The following VPS13D variants were observed in gnomAD, a reference collection of about 807,000 sequenced individuals.
VPS13D encodes intermembrane lipid transfer protein VPS13D.
In VPS13D, 187 loss-of-function variants were observed where a neutral mutation model predicts 461.9. The ratio of observed to expected loss-of-function variants is 0.40; its 90% confidence interval spans 0.36 to 0.46. The LOEUF is 0.46. VPS13D is among the 20% of genes least tolerant of loss of function. VPS13D has a pLI of 0.60. For synonymous variants in VPS13D, 1,951 were observed against 1,986.3 expected, an observed-to-expected ratio of 0.98 and a Z score of 0.47; for missense variants, 4,711 against 5,364.9, an observed-to-expected ratio of 0.88 and a Z score of 3.81.
At position 12,456,149 on chromosome 1, in the gene VPS13D, C is replaced by G. The variant is rs1645323740; in HGVS notation, c.12466+19C>G. The stretch of plus-strand genomic sequence containing the variant: ...GCTCATGGTAAGTCATGGGTGACAT[C>G]AGGCTCTGCTGCTGCTGGTCCTCAG... On this transcript the variant is annotated intron_variant, in intron 66 of 69. Transcript: ENST00000620676. 1 of 1,594,552 alleles carries G rather than the reference C, an allele frequency of 6.3e-7. No homozygotes were observed. Among genetic ancestry groups the G allele is most frequent in the Non-Finnish European group, 8.5e-7 (1 of 1,173,108 alleles).
At chr1:12,343,096 G>A (rs377161105) in intron 42 of VPS13D, 45 bp downstream of exon 42, 4 of 1,536,696 alleles carry the variant, frequency 2.6e-6, no homozygotes, top group African/African-American at 2.7e-5. Flanking sequence ...GAAAGTGGAT[G>A]TAAGTGAGGG....
At chr1:12,405,519 A>C (rs1644641390) in intron 63 of VPS13D, among the ~76,000 whole-genome samples, 1 of 152,182 alleles carries the variant, frequency 6.6e-6, no homozygotes, top group Non-Finnish European at 1.5e-5. Flanking sequence ...AGCCACAGGG[A>C]GTGCTGGTGG....
rs75689524 is a variant in VPS13D, at chr1:12,420,193, C to A, written c.12333+3366C>A. On this transcript the variant is annotated intron_variant, in intron 65 of 69. Coordinates refer to ENST00000620676, the MANE Select transcript of VPS13D (RefSeq NM_015378.4). The stretch of plus-strand genomic sequence containing the variant: ...CTAAATGGGTCTATCAGTTGAATAC[C>A]CATTCAGGTCATCTGTGATTCTGCA... Among the ~76,000 whole-genome samples, 149 of 152,152 alleles carry A rather than the reference C, an allele frequency of 9.8e-4. No homozygotes were observed. The East Asian group carries it at 0.027, about 27-fold the overall frequency.
intron 63 of VPS13D, among the ~76,000 whole-genome samples, chr1:12,410,102 T>TA (rs1163738806): frequency 6.6e-6 from 1 of 152,204 alleles, no homozygotes; most frequent in African/African-American, 2.4e-5. Context: ...GCTAATATCT[T>TA]ACAGAGAAGG....
At position 12,233,339 on chromosome 1, in the gene VPS13D, G is replaced by A. The variant is rs546347689; in HGVS notation, c.-76-852G>A. Among the ~76,000 whole-genome samples, 5 of 152,226 alleles carry A rather than the reference G, an allele frequency of 3.3e-5. 1 individual carries two copies. Among genetic ancestry groups the A allele is most frequent in the African/African-American group, 9.6e-5 (4 of 41,538 alleles). Reference sequence around the variant, plus strand: ...GAATTTCATTCAGACAATCTCTTACGGCATTTTCTGTCTTAATCTAGGATA... The same window carrying A: ...GAATTTCATTCAGACAATCTCTTACAGCATTTTCTGTCTTAATCTAGGATA... On this transcript the variant is annotated intron_variant, in intron 1 of 69. Coordinates refer to ENST00000620676, the MANE Select transcript of VPS13D (RefSeq NM_015378.4).
chr1:12,252,166 A>G (rs1008469660), intron 6 of VPS13D, among the ~76,000 whole-genome samples: 4 of 152,182 alleles, frequency 2.6e-5, no homozygotes, highest in Non-Finnish European at 4.4e-5. Context: ...TACATCTGCA[A>G]AGACCTAATT....
At chr1:12,308,756 T>A in intron 27 of VPS13D, 115 bp downstream of exon 27, 1 of 967,950 alleles carries the variant, frequency 1.0e-6, no homozygotes, top group Non-Finnish European at 1.5e-6. Flanking sequence ...TTCAAGTGAT[T>A]CTCCTCAGCC....
At chr1:12,436,144 A>G (rs539725000) in intron 65 of VPS13D, among the ~76,000 whole-genome samples, 16 of 152,336 alleles carry the variant, frequency 1.1e-4, no homozygotes, top group Admixed American at 7.2e-4. Flanking sequence ...CCTTGGGGTC[A>G]CCATCCAGCA....
intron 60 of VPS13D, among the ~76,000 whole-genome samples, chr1:12,396,006 T>TA (rs1557754670): frequency 7.7e-6 from 1 of 130,612 alleles, no homozygotes; most frequent in African/African-American, 3.2e-5. Flanking sequence ...GATATATATA[T>TA]ATATATATAT....
intron 6 of VPS13D, among the ~76,000 whole-genome samples, 155 bp from the exon 7 acceptor site, chr1:12,253,567 T>C (rs1330451044): frequency 6.6e-6 from 1 of 152,242 alleles, no homozygotes; most frequent in African/African-American, 2.4e-5. Flanking sequence ...GATTTTGAAC[T>C]CTGTAAGAGC....
At chr1:12,337,905 A>T (rs1239636992) in intron 39 of VPS13D, 4 of 212,636 alleles carry the variant, frequency 1.9e-5, no homozygotes, top group African/African-American at 9.1e-5. Context: ...CCATTTAAGA[A>T]CATAACACCT....
At position 12,283,002 on chromosome 1, in the gene VPS13D, G is replaced by A; in HGVS notation, c.4900G>A (p.Asp1634Asn). 1.2e-6 allele frequency: 2 copies of A among 1,614,202 alleles called. No individual in the cohort carries two copies. The highest frequency in any genetic ancestry group is 1.1e-5 in the South Asian group (1 of 91,082). ...ISELQVQLSGDLTLGAQGLVS... is the reference protein window; with the variant it reads ...ISELQVQLSGNLTLGAQGLVS... ...AGAGCTTCAGGTTCAGCTAAGTGGAGATCTGACTTTGGGGGCCCAAGGTCT... is the reference window on the plus strand; with the variant it reads ...AGAGCTTCAGGTTCAGCTAAGTGGAAATCTGACTTTGGGGGCCCAAGGTCT... The change falls in exon 21 of 70, where the codon GAT becomes AAT. Residue 1634 changes from aspartate to asparagine, a missense_variant. Asp to Asn is a conservative substitution (Grantham distance 23). Coordinates refer to ENST00000620676, the MANE Select transcript of VPS13D (RefSeq NM_015378.4).
At chr1:12,309,660 G>C (rs1405255645) in intron 27 of VPS13D, among the ~76,000 whole-genome samples, 1 of 151,308 alleles carries the variant, frequency 6.6e-6, no homozygotes, top group African/African-American at 2.4e-5. Flanking sequence ...TACCGGGAAG[G>C]CTGAGGCAGG....
In VPS13D at chr1:12,276,956, T is replaced by C; in HGVS notation, c.3368T>C (p.Ile1123Thr). The C allele has an allele frequency of 1.2e-6, 2 of 1,614,178 alleles. No individual in the cohort carries two copies. Among genetic ancestry groups the C allele is most frequent in the South Asian group, 1.1e-5 (1 of 91,078 alleles). Residue 1123 changes from isoleucine (I) to threonine (T), a missense_variant, in exon 19 of 70, where the codon ATT becomes ACT. Physicochemically the swap from Ile to Thr is moderately conservative, Grantham distance 89. This residue lies in a region of VPS13D where 4,411 missense variants were observed against 4,937.8 expected (regional missense o/e 0.89). Coordinates refer to ENST00000620676, the MANE Select transcript of VPS13D (RefSeq NM_015378.4). This position sits in a 1 kb window ranked among gnomAD's most constrained non-coding sequence, Gnocchi z 4.5. ...ILNPETIVEL[I>T]GFLQKSFPKE... ...AATCCAGAGACGATTGTGGAGCTAA[T>C]TGGTTTTCTTCAAAAATCCTTTCCC...
rs548265465 is a variant in VPS13D at position 12,401,677 on chromosome 1, T to A, written c.11854T>A (p.Phe3952Ile). The A allele has an allele frequency of 6.7e-5, 108 of 1,613,392 alleles. No homozygotes were observed. The highest frequency in any genetic ancestry group is 8.9e-5 in the Non-Finnish European group (105 of 1,179,492). Residue 3952 changes from phenylalanine (F) to isoleucine (I), a missense_variant, in exon 62 of 70, where the codon TTC (phenylalanine) becomes ATC (isoleucine). Physicochemically the swap from Phe to Ile is conservative, Grantham distance 21 (BLOSUM62 0). Transcript: ENST00000620676. The stretch of plus-strand genomic sequence containing the variant: ...GAAACTGCTCCTCAAGCTGCTAAGT[T>A]TCTTTGGCTACGATCAAGCAGAATC... ...EEKLLLKLLS[F>I]FGYDQAESEV...
rs74344883 is a variant in VPS13D, at chr1:12,418,585, A to C, written c.12333+1758A>C. Among the ~76,000 whole-genome samples the C allele has an allele frequency of 5.3e-3, 807 of 152,376 alleles. 3 individuals are homozygous for C. The highest frequency in any genetic ancestry group is 0.019 in the African/African-American group (781 of 41,586). ...AAAATGAAGATGCTTATGATTTAACAATAGGACTTCCTCACTGTGGAATAG... is the reference window on the plus strand; with the variant it reads ...AAAATGAAGATGCTTATGATTTAACCATAGGACTTCCTCACTGTGGAATAG... On this transcript the variant is annotated intron_variant, in intron 65 of 69. Transcript: ENST00000620676.
chr1:12,304,409 T>C (rs1642504825), intron 25 of VPS13D, 97 bp from the exon 26 acceptor site: 1 of 1,130,280 alleles, frequency 8.8e-7, no homozygotes, highest in African/African-American at 1.6e-5. Flanking sequence ...CCCTAGGGAC[T>C]GGGATAGGAC....
rs762984461 is a variant in VPS13D, at chr1:12,266,986, T to G, written c.1700T>G (p.Phe567Cys). ...LRDLATEGTM[F>C]PLLVFPNPQK... ...GACCTGGCTACAGAAGGAACTATGT[T>G]TCCTCTTCTAGTCTTCCCTAATCCA... Residue 567 changes from phenylalanine to cysteine, a missense_variant, in exon 14 of 70, where the codon TTT (phenylalanine) becomes TGT (cysteine). Physicochemically the swap from Phe to Cys is radical, Grantham distance 205. Around this residue, in one of 3 missense-constraint regions of VPS13D, gnomAD observed 4,411 missense variants for 4,937.8 expected, o/e 0.89. Coordinates refer to ENST00000620676, the MANE Select transcript of VPS13D (RefSeq NM_015378.4). The G allele has an allele frequency of 1.2e-6, 2 of 1,607,594 alleles. No individual in the cohort carries two copies. Among genetic ancestry groups the G allele is most frequent in the African/African-American group, 1.3e-5 (1 of 74,574 alleles).
chr1:12,416,235 C>T (rs1405285409), intron 64 of VPS13D, among the ~76,000 whole-genome samples: 2 of 152,138 alleles, frequency 1.3e-5, no homozygotes. Flanking sequence ...TCTTCAGGCC[C>T]CCCACCCACA....
Sources: gnomAD v4.1 joint callset for allele counts (sites outside exome capture counted in the v4.1 genomes callset) on GRCh38, gnomAD v4.1.1 for gene constraint, gnomAD v4.1.1 regional missense constraint, Gnocchi (gnomAD v3.1) non-coding constraint, MANE v1.5 for transcripts, NCBI Gene and HGNC (gene_info 2026-07-23, HGNC 2026-07-21) for gene names.